Variants in OAS2 observed in about 807,000 individuals in gnomAD.
OAS2 encodes 2'-5'-oligoadenylate synthase 2.
A neutral mutation model predicts 71.3 loss-of-function variants in OAS2; 67 were observed. The ratio of observed to expected loss-of-function variants is 0.94; its 90% CI spans 0.77 to 1.15. The LOEUF (loss-of-function observed/expected upper bound fraction) is 1.15, where lower values mean the gene tolerates loss of function less well. Among genes scored for constraint, OAS2 ranks in the 50% most tolerant of loss-of-function variants. The pLI, the probability that OAS2 is intolerant of heterozygous loss-of-function variation, is 0.00. For synonymous variants in OAS2, 327 were observed against 321.8 expected (o/e 1.02, Z -0.17); for missense variants, 789 against 822.5 (o/e 0.96, Z 0.50).
Position 113,006,435 on chromosome 12 carries a change from A to T in OAS2, c.1491A>T (p.Thr497=). 1 of 1,573,710 alleles carries T rather than the reference A, an allele frequency of 6.4e-7. No homozygotes were observed. The highest frequency in any genetic ancestry group is 8.7e-7 in the Non-Finnish European group (1 of 1,149,824). Residue 497 remains threonine (T), a synonymous_variant, in exon 8 of 10, where the codon ACA becomes ACT. Coordinates refer to ENST00000392583, the MANE Select transcript of OAS2 (RefSeq NM_002535.3). ...NALGQLSSGS[T]PSPEVYAGLI... ...CAGGTCAGCTGAGTTCTGGCTCCAC[A>T]CCCAGCCCCGAGGTTTATGCAGGGC... is the stretch of plus-strand genomic sequence containing the variant.
rs527608355 is a variant in OAS2 at position 113,004,802 on chromosome 12, G to C, written c.1180-132G>C. The C allele has an allele frequency of 1.2e-4, 90 of 758,826 alleles. No individual in the cohort carries two copies. In the African/African-American group the frequency reaches 1.4e-3, roughly 12 times the overall value. The allele number at this position is 758,826 out of a possible 1,614,324, so 47.0% of individuals were successfully genotyped here. A position where few individuals can be genotyped will look rare whatever the true frequency, so the allele number is the denominator to read the frequency against. On this transcript the variant is annotated intron_variant, in intron 6 of 9. Coordinates refer to ENST00000392583, the MANE Select transcript of OAS2 (RefSeq NM_002535.3). ...AAGAAAACCCTTTGCTTTGGACTCA[G>C]CCCTCACTGAACCCTAACGCAGAAC...
Position 113,002,938 on chromosome 12 carries a change from C to A in OAS2, c.1015C>A (p.Pro339Thr). Residue 339 changes from proline to threonine, a missense_variant, in exon 6 of 10, where the codon CCA becomes ACA. By Grantham distance (38) the Pro-to-Thr change is conservative (BLOSUM62 -1). Coordinates refer to ENST00000392583, the MANE Select transcript of OAS2 (RefSeq NM_002535.3). Reference sequence around the variant, plus strand: ...GTCTTCCTTCCTTCCCCAGCCTGCACCACTCTTCACGACCCCAGGCCACCT... The same window carrying A: ...GTCTTCCTTCCTTCCCCAGCCTGCAACACTCTTCACGACCCCAGGCCACCT... ...PAPSWNVLPA[P>T]LFTTPGHLLD... 1 of 1,613,974 alleles carries A rather than the reference C, an allele frequency of 6.2e-7. No homozygotes were observed. Among genetic ancestry groups the A allele is most frequent in the Non-Finnish European group, 8.5e-7 (1 of 1,179,906 alleles).
intron 3 of OAS2, 90 bp downstream of exon 3, chr12:112,995,564 T>A: frequency 7.3e-6 from 9 of 1,225,346 alleles, no homozygotes; most frequent in Non-Finnish European, 1.0e-5. Flanking sequence ...ATCTTAGGTA[T>A]ACAGCTCAAC....
chr12:112,990,239 C>T (rs2044179309), intron 2 of OAS2, among the ~76,000 whole-genome samples: 1 of 152,154 alleles, frequency 6.6e-6, no homozygotes, highest in Admixed American at 6.5e-5. Context: ...ACGTGTGCCC[C>T]AGGTGATTAG....
intron 5 of OAS2, among the ~76,000 whole-genome samples, chr12:112,999,606 G>A (rs1036995254): frequency 3.3e-5 from 5 of 152,114 alleles, no homozygotes; most frequent in African/African-American, 1.2e-4. Context: ...TCCCTAACTG[G>A]ACCCAGAAGG....
In OAS2 at chr12:113,006,568, T is replaced by G. The variant is rs961554197; in HGVS notation, c.1624T>G (p.Leu542Val). 1.2e-6 allele frequency: 2 copies of G among 1,609,098 alleles called. No homozygotes were observed. The highest frequency in any genetic ancestry group is 3.3e-4 in the Middle Eastern group (2 of 6,032). The change falls in exon 8 of 10, where the codon TTA becomes GTA. Residue 542 changes from leucine to valine, a missense_variant. By Grantham distance (32) the Leu-to-Val change is conservative. Transcript: ENST00000392583. ...CTCCCGGCCCACCAAACTAAAGGAT[T>G]TAATTCGCCTGGTGAAGCACTGGTA... ...IRSRPTKLKD[L>V]IRLVKHWYKE...
chr12:113,003,786 A>AG (rs2044309030), intron 6 of OAS2, among the ~76,000 whole-genome samples: 1 of 152,198 alleles, frequency 6.6e-6, no homozygotes, highest in South Asian at 2.1e-4. Flanking sequence ...CAAGAAGGGA[A>AG]GGAGGAAAAT....
chr12:112,993,687 C>A (rs1247703210), intron 2 of OAS2, among the ~76,000 whole-genome samples: 1 of 151,894 alleles, frequency 6.6e-6, no homozygotes, highest in African/African-American at 2.4e-5. Context: ...CAAGACCAGC[C>A]TGGGCAACAG....
At chr12:113,009,019 G>C in intron 9 of OAS2, 68 bp from the exon 10 acceptor site, 2 of 1,561,622 alleles carry the variant, frequency 1.3e-6, no homozygotes, top group Non-Finnish European at 1.7e-6. Flanking sequence ...AAGTATTATA[G>C]GATGGACCCC....
In OAS2 at chr12:113,009,263, G is replaced by T. The variant is rs181757104; in HGVS notation, c.*8G>T. On this transcript the variant is annotated 3_prime_UTR_variant, in exon 10 of 10. Transcript: ENST00000392583. ...CCGGTAAAAGTCATCTAAAGGAGGC[G>T]TTGTCTGGAAATAGCCCTGTAACAG... The T allele has an allele frequency of 6.2e-7, 1 of 1,613,040 alleles. No homozygotes were observed. The highest frequency in any genetic ancestry group is 2.2e-5 in the East Asian group (1 of 44,848).
intron 1 of OAS2, among the ~76,000 whole-genome samples, chr12:112,985,404 G>A (rs1415752484): frequency 1.3e-5 from 2 of 152,088 alleles, no homozygotes; most frequent in African/African-American, 2.4e-5. Context: ...TTCAAGTTTA[G>A]AAATTCTTTC....
intron 3 of OAS2, among the ~76,000 whole-genome samples, chr12:112,996,914 C>T (rs1446780911): frequency 6.6e-6 from 1 of 152,164 alleles, no homozygotes; most frequent in Non-Finnish European, 1.5e-5. Context: ...CTCCAAAACC[C>T]TCAGGAAGAA....
Position 112,997,521 on chromosome 12 carries a change from G to A in OAS2, c.629G>A (p.Cys210Tyr). The A allele has an allele frequency of 6.2e-7, 1 of 1,613,190 alleles. No individual in the cohort carries two copies. ...TGCTACCCTTTCCTTATCCCACAGT[G>A]CCAGAAAAAAATCAAGGATTTACCC... is the stretch of plus-strand genomic sequence containing the variant. ...ILLIKHWHQQ[C>Y]QKKIKDLPSL... is the part of the protein sequence containing the mutation. The change falls in exon 4 of 10, where the codon TGC becomes TAC. Residue 210 changes from cysteine (C) to tyrosine (Y), a missense_variant and splice_region_variant. By Grantham distance (194) the Cys-to-Tyr change is radical (BLOSUM62 -2). Coordinates refer to ENST00000392583, the MANE Select transcript of OAS2 (RefSeq NM_002535.3).
At chr12:112,985,527 T>A (rs1440645740) in intron 1 of OAS2, among the ~76,000 whole-genome samples, 1 of 152,244 alleles carries the variant, frequency 6.6e-6, no homozygotes, top group Admixed American at 6.5e-5. Context: ...TCTATCTCTT[T>A]GTTGAGTTTC....
chr12:112,990,462 CTTA>C (rs893927828), intron 2 of OAS2, among the ~76,000 whole-genome samples: 3 of 152,094 alleles, frequency 2.0e-5, no homozygotes, highest in Admixed American at 6.5e-5. Flanking sequence ...AGACAAGGTT[CTTA>C]TTATGTAGAT....
chr12:112,985,426 C>T (rs1397922281), intron 1 of OAS2, among the ~76,000 whole-genome samples: 7 of 152,104 alleles, frequency 4.6e-5, no homozygotes. Flanking sequence ...TCTCCTTGAC[C>T]TAGTCTATTG....
rs921421420 is a variant in OAS2, at chr12:113,005,944, A to C, written c.1469-469A>C. On this transcript the variant is annotated intron_variant, in intron 7 of 9. Transcript: ENST00000392583. ...AAAAAAAAAAAAAAAAAAAAAAAAAAAAAAAAACAAGAAGCAGCGCACCAG... is the reference window on the plus strand; with the variant it reads ...AAAAAAAAAAAAAAAAAAAAAAAAACAAAAAAACAAGAAGCAGCGCACCAG... 1.2e-4 allele frequency among the ~76,000 whole-genome samples: 18 copies of C among 148,678 alleles called. No individual in the cohort carries two copies. In the East Asian group the frequency reaches 1.9e-3, roughly 16 times the overall value.
intron 4 of OAS2, 35 bp from the exon 5 acceptor site, chr12:112,998,231 T>C: frequency 1.9e-6 from 3 of 1,599,462 alleles, no homozygotes; most frequent in Non-Finnish European, 2.6e-6. Context: ...CACAAGCAGC[T>C]CAACTGACTT....
rs1325428280 is a variant in OAS2, at chr12:112,987,062, G to C, written c.202G>C (p.Val68Leu). The change falls in exon 2 of 10, where the codon GTC becomes CTC. Residue 68 changes from valine (V) to leucine (L), a missense_variant. Coordinates refer to ENST00000392583, the MANE Select transcript of OAS2 (RefSeq NM_002535.3). ...GGGTGGCTCCTATGGACGGAAAACAGTCTTAAGAGGCAACTCCGATGGTAC... is the reference window on the plus strand; with the variant it reads ...GGGTGGCTCCTATGGACGGAAAACACTCTTAAGAGGCAACTCCGATGGTAC... ...AIGGSYGRKTVLRGNSDGTLV... is the reference protein window; with the variant it reads ...AIGGSYGRKTLLRGNSDGTLV... 2 of 1,613,638 alleles carry C rather than the reference G, an allele frequency of 1.2e-6. No individual in the cohort carries two copies. The highest frequency in any genetic ancestry group is 2.2e-5 in the South Asian group (2 of 91,062).
Sources: allele counts gnomAD v4.1 joint callset (sites outside exome capture counted in the v4.1 genomes callset), GRCh38; gene constraint gnomAD v4.1.1; transcripts MANE v1.5; gene names NCBI Gene and HGNC (gene_info 2026-07-23, HGNC 2026-07-21).